INPP5A: variants seen among roughly 807,000 people sequenced by gnomAD.
The protein encoded by INPP5A is inositol polyphosphate-5-phosphatase A.
Under a neutral mutation model 65.2 loss-of-function variants are expected in INPP5A, and 14 were observed. The ratio of observed to expected loss-of-function variants is 0.21; its 90% confidence interval spans 0.14 to 0.34. INPP5A has a LOEUF of 0.34. Ranked by LOEUF, INPP5A falls within the 10% of genes least tolerant of loss-of-function variation. INPP5A has a pLI of 1.00. For missense variants in INPP5A, 431 were observed against 545.6 expected (o/e 0.79, Z 2.09); for synonymous variants, 207 against 208.3 (o/e 0.99, Z 0.05).
chr10:132,781,025 G>A, intron 14 of INPP5A, 108 bp downstream of exon 14: 1 of 775,694 alleles, frequency 1.3e-6, no homozygotes, highest in Non-Finnish European at 2.2e-6. Context: ...GCAGGCAGGT[G>A]GGCGGGGGTT....
intron 8 of INPP5A, among the ~76,000 whole-genome samples, chr10:132,712,400 TGG>T (rs1292283342): frequency 6.6e-6 from 1 of 151,786 alleles, no homozygotes; most frequent in Non-Finnish European, 1.5e-5. Flanking sequence ...TGTGCATGTG[TGG>T]GTGCACGAGT....
At chr10:132,552,298 C>T (rs374806135) in intron 1 of INPP5A, among the ~76,000 whole-genome samples, 173 of 128,122 alleles carry the variant, frequency 1.4e-3, no homozygotes, top group South Asian at 4.1e-3. Context: ...GATTGGTGAA[C>T]GCCTTCTCAG....
chr10:132,699,999 T>C (rs1370426233), intron 6 of INPP5A, among the ~76,000 whole-genome samples: 1 of 152,092 alleles, frequency 6.6e-6, no homozygotes, highest in Non-Finnish European at 1.5e-5. Context: ...CTAATGCCAG[T>C]ACTCTGAGGC....
intron 2 of INPP5A, among the ~76,000 whole-genome samples, chr10:132,614,150 C>T (rs1362313834): frequency 4.6e-5 from 7 of 152,290 alleles, no homozygotes; most frequent in East Asian, 3.9e-4. Context: ...GAGCTTGGCA[C>T]GCCTTCCCAA....
At chr10:132,623,982 T>C (rs1011481084) in intron 2 of INPP5A, among the ~76,000 whole-genome samples, 3 of 152,194 alleles carry the variant, frequency 2.0e-5, no homozygotes, top group South Asian at 2.1e-4. Context: ...TAAAATTCAA[T>C]TGGCTGTAAA....
At position 132,614,291 on chromosome 10, in the gene INPP5A, C is replaced by G. The variant is rs1425462721; in HGVS notation, c.117+6335C>G. ...GACCAGCCTGGCCAACATGATGAAA[C>G]CCCGTCTTTACTACAAATACAAAAA... On this transcript the variant is annotated intron_variant, in intron 2 of 15. Transcript: ENST00000368594. Among the ~76,000 whole-genome samples, 3 of 152,274 alleles carry G rather than the reference C, an allele frequency of 2.0e-5. No individual in the cohort carries two copies. In the East Asian group the frequency reaches 5.8e-4, roughly 29 times the overall value.
rs536994940 is a variant in INPP5A, at chr10:132,756,897, C to G, written c.903+7052C>G. ...GAACGTCGATGATCCTGACCCTGTG[C>G]GGGCCTAGGCTCATGTCTGTGTCGT... On this transcript the variant is annotated intron_variant, in intron 11 of 15. Transcript: ENST00000368594. 2.0e-4 allele frequency among the ~76,000 whole-genome samples: 30 copies of G among 152,248 alleles called. No homozygotes were observed. The East Asian group carries it at 5.2e-3, about 27-fold the overall frequency.
In INPP5A at chr10:132,627,086, G is replaced by A. The variant is rs1446772079; in HGVS notation, c.118-18782G>A. ...TGGGATGGGTGCCCTTACAAGAAGGGACACGGGATCAGGCTCTCTCCACAG... is the reference window on the plus strand; with the variant it reads ...TGGGATGGGTGCCCTTACAAGAAGGAACACGGGATCAGGCTCTCTCCACAG... On this transcript the variant is annotated intron_variant, in intron 2 of 15. Transcript: ENST00000368594. This position sits in a 1 kb window ranked among gnomAD's most constrained non-coding sequence, Gnocchi z 6.6. 6.6e-6 allele frequency among the ~76,000 whole-genome samples: 1 copy of A among 152,166 alleles called. No homozygotes were observed. Among genetic ancestry groups the A allele is most frequent in the East Asian group, 1.9e-4 (1 of 5,194 alleles).
chr10:132,688,701 GCAAGTGTGAA>G (rs1437019399), intron 4 of INPP5A, among the ~76,000 whole-genome samples: 1,810 of 151,644 alleles, frequency 0.012, 31 homozygotes, highest in African/African-American at 0.041. Context: ...GCATGTGTGT[GCAAGTGTGAA>G]CAAGTGCATT....
chr10:132,781,096 T>C (rs1470955054), intron 14 of INPP5A, among the ~76,000 whole-genome samples, 179 bp downstream of exon 14: 1 of 152,194 alleles, frequency 6.6e-6, no homozygotes, highest in Non-Finnish European at 1.5e-5. Context: ...TAGGCCAAGT[T>C]GGTCTGTTTT....
At chr10:132,760,577 C>A (rs933117722) in intron 11 of INPP5A, among the ~76,000 whole-genome samples, 5 of 152,254 alleles carry the variant, frequency 3.3e-5, no homozygotes, top group African/African-American at 1.2e-4. Context: ...GACGTGGCAT[C>A]GGAGGGCCCC....
At chr10:132,748,879 G>A (rs1445508454) in intron 9 of INPP5A, among the ~76,000 whole-genome samples, 2 of 152,234 alleles carry the variant, frequency 1.3e-5, no homozygotes, top group Non-Finnish European at 2.9e-5. Flanking sequence ...CTCCTGGTCG[G>A]TGTGATCGCT....
chr10:132,667,110 A>G (rs987499651), intron 4 of INPP5A, among the ~76,000 whole-genome samples: 8 of 152,294 alleles, frequency 5.3e-5, no homozygotes, highest in South Asian at 2.1e-4. Flanking sequence ...TGAGTTTTAT[A>G]TATCTATTTA....
At chr10:132,739,478 C>G (rs1548281) in intron 9 of INPP5A, among the ~76,000 whole-genome samples, 22 of 152,274 alleles carry the variant, frequency 1.4e-4, no homozygotes, top group Admixed American at 3.9e-4. Flanking sequence ...CCCAGCCTGT[C>G]GAGCCTGGAG....
intron 1 of INPP5A, among the ~76,000 whole-genome samples, chr10:132,553,706 G>C (rs2071085517): frequency 1.4e-5 from 2 of 145,432 alleles, no homozygotes; most frequent in African/African-American, 5.1e-5. Flanking sequence ...GGAATATTGA[G>C]TGGGATAGGG....
intron 2 of INPP5A, among the ~76,000 whole-genome samples, chr10:132,642,253 A>G (rs1407904806): frequency 6.6e-6 from 1 of 152,202 alleles, no homozygotes; most frequent in Non-Finnish European, 1.5e-5. Flanking sequence ...GCAGAGGGGC[A>G]GCAGCAGAGC....
intron 1 of INPP5A, among the ~76,000 whole-genome samples, chr10:132,565,067 G>C (rs2071256280): frequency 6.6e-6 from 1 of 152,220 alleles, no homozygotes. Context: ...TATAGAGTGA[G>C]ATGGTACATA....
At position 132,603,941 on chromosome 10, in the gene INPP5A, G is replaced by A. The variant is rs181622073; in HGVS notation, c.76-3974G>A. Among the ~76,000 whole-genome samples the A allele has an allele frequency of 1.5e-4, 22 of 150,760 alleles. No individual in the cohort carries two copies. The highest frequency in any genetic ancestry group is 3.9e-4 in the East Asian group (2 of 5,066). On this transcript the variant is annotated intron_variant, in intron 1 of 15. Coordinates refer to ENST00000368594, the MANE Select transcript of INPP5A (RefSeq NM_005539.5). The surrounding 1 kb of genome is among the most constrained non-coding windows in gnomAD (Gnocchi z 4.2). ...TCCCCTCTCCGTCCAGCCCTGCGCC[G>A]TCAAGGTCCCCTCTCCGTCCCGCCC...
intron 1 of INPP5A, among the ~76,000 whole-genome samples, chr10:132,588,879 ATG>A (rs1220188722): frequency 8.7e-6 from 1 of 115,088 alleles, no homozygotes; most frequent in African/African-American, 3.6e-5. Context: ...GTGTGTTGTC[ATG>A]GTGGTCACTG....
Sources: gnomAD v4.1 joint callset for allele counts (sites outside exome capture counted in the v4.1 genomes callset) on GRCh38, gnomAD v4.1.1 for gene constraint, Gnocchi (gnomAD v3.1) non-coding constraint, MANE v1.5 for transcripts, NCBI Gene and HGNC (gene_info 2026-07-23, HGNC 2026-07-21) for gene names.